ABCB10: variants seen among roughly 807,000 people sequenced by gnomAD.
The protein encoded by ABCB10 is ATP-binding cassette sub-family B member 10, mitochondrial.
A neutral mutation model predicts 65.4 loss-of-function variants in ABCB10; 54 were observed. The observed-to-expected ratio is 0.83, with a 90% CI of 0.66 to 1.04. The LOEUF is 1.04. ABCB10 is among the 50% of genes least tolerant of loss of function. The probability of loss-of-function intolerance (pLI) is 0.00; values close to 1 mark genes in which losing one functional copy is unlikely to be tolerated. For synonymous variants in ABCB10, 418 were observed against 406.5 expected (o/e 1.03, Z -0.34); for missense variants, 846 against 976.6 (o/e 0.87, Z 1.78).
Position 229,527,340 on chromosome 1 carries a change from C to T in ABCB10, c.1646-32G>A, listed in dbSNP as rs762503630. The T allele has an allele frequency of 1.9e-6, 3 of 1,579,678 alleles. No individual in the cohort carries two copies. The South Asian group carries it at 3.4e-5, about 18-fold the overall frequency. On this transcript the variant is annotated intron_variant, in intron 8 of 12. Transcript: ENST00000344517. ...GAGAGGAAAGGAAAGGAAAGAGTCA[C>T]TGAGTGTGATGAGGCTGATGACCAA... is the stretch of plus-strand genomic sequence containing the variant.
At position 229,558,314 on chromosome 1, in the gene ABCB10, G is replaced by T; in HGVS notation, c.339C>A (p.Leu113=). The part of the protein sequence containing the change: ...GAFAGPGAPR[L]PRARFPGGPA... ...GACCGCCCGGGAACCGGGCGCGCGG[G>T]AGCCGAGGAGCGCCTGGCCCGGCAA... is the stretch of plus-strand genomic sequence containing the variant. The change falls in exon 1 of 13, where the codon CTC becomes CTA. Residue 113 remains leucine (L), a synonymous_variant. Transcript: ENST00000344517. The T allele has an allele frequency of 8.0e-7, 1 of 1,242,908 alleles. No individual in the cohort carries two copies. Among genetic ancestry groups the T allele is most frequent in the Non-Finnish European group, 1.0e-6 (1 of 987,948 alleles). 77.0% of individuals were successfully genotyped at this position (1,242,908 alleles called of 1,614,324 possible).
chr1:229,529,969 T>C (rs1359543138), intron 8 of ABCB10, among the ~76,000 whole-genome samples: 1 of 152,164 alleles, frequency 6.6e-6, no homozygotes, highest in Non-Finnish European at 1.5e-5. Flanking sequence ...CACTCTGGGC[T>C]TGAAGAGGTA....
chr1:229,553,657 G>A (rs938592702), intron 1 of ABCB10, among the ~76,000 whole-genome samples: 2 of 151,454 alleles, frequency 1.3e-5, no homozygotes, highest in African/African-American at 4.8e-5. Flanking sequence ...TTTAGGATGA[G>A]GAATGCCTAA....
At chr1:229,544,111 G>A (rs1662912793) in intron 3 of ABCB10, among the ~76,000 whole-genome samples, 1 of 152,164 alleles carries the variant, frequency 6.6e-6, no homozygotes, top group South Asian at 2.1e-4. Flanking sequence ...CCATAATGAA[G>A]TGTTTTGAAT....
intron 1 of ABCB10, among the ~76,000 whole-genome samples, chr1:229,550,373 G>C (rs1663077286): frequency 6.6e-6 from 1 of 151,254 alleles, no homozygotes; most frequent in Admixed American, 6.6e-5. Flanking sequence ...AGAAAATACA[G>C]AAACTAGCCA....
At chr1:229,529,667 CAAAAAAAAAAAAAA>C (rs969766089) in intron 8 of ABCB10, among the ~76,000 whole-genome samples, 1 of 23,210 alleles carries the variant, frequency 4.3e-5, no homozygotes, top group Non-Finnish European at 8.1e-5. Flanking sequence ...AAGACTGTCT[CAAAAAAAAAAAAAA>C]AAAAAAAAAA....
In ABCB10 at chr1:229,539,476, CAG is replaced by C. The variant is rs1289429999; in HGVS notation, c.1317_1318del (p.Phe439LeufsTer39). 1 of 1,613,948 alleles carries C rather than the reference CAG, an allele frequency of 6.2e-7. No individual in the cohort carries two copies. The highest frequency in any genetic ancestry group is 8.5e-7 in the Non-Finnish European group (1 of 1,179,852). Reference sequence around the variant, plus strand: ...TTTACCTCCAATGCTTATTCCAACCCAGAAAGCATACATTAGGAAGGAAGAGA... The same window carrying C: ...TTTACCTCCAATGCTTATTCCAACCCAAAGCATACATTAGGAAGGAAGAGA... On this transcript the variant is annotated frameshift_variant, in exon 6 of 13. Transcript: ENST00000344517. LOFTEE classifies it high-confidence loss of function.
At chr1:229,531,151 G>C (rs1224016698) in intron 7 of ABCB10, among the ~76,000 whole-genome samples, 1 of 152,162 alleles carries the variant, frequency 6.6e-6, no homozygotes, top group East Asian at 1.9e-4. Context: ...TCACTGATAA[G>C]GAAGGAGATG....
intron 1 of ABCB10, among the ~76,000 whole-genome samples, chr1:229,556,319 G>A (rs750958921): frequency 3.3e-5 from 5 of 151,516 alleles, no homozygotes; most frequent in Non-Finnish European, 7.4e-5. Flanking sequence ...TTGCGGTGAG[G>A]TGAGATCACG....
rs754826563 is a variant in ABCB10 at position 229,558,230 on chromosome 1, G to T, written c.423C>A (p.Pro141=). 1 of 1,361,576 alleles carries T rather than the reference G, an allele frequency of 7.3e-7. No homozygotes were observed. Among genetic ancestry groups the T allele is most frequent in the Admixed American group, 3.5e-5 (1 of 28,978 alleles). The allele number at this position is 1,361,576 out of a possible 1,614,324, so 84.3% of individuals were successfully genotyped here. Residue 141 remains proline (P), a synonymous_variant, in exon 1 of 13, where the codon CCC becomes CCA. Coordinates refer to ENST00000344517, the MANE Select transcript of ABCB10 (RefSeq NM_012089.3). The part of the protein sequence containing the change: ...EAWRRGPAAP[P]GDKGRLRPAA... ...CGGGGCGCAGCCGCCCCTTGTCCCC[G>T]GGAGGCGCCGCCGGCCCGCGCCGCC...
chr1:229,523,398 T>C (rs1662360832), intron 10 of ABCB10, among the ~76,000 whole-genome samples: 1 of 152,246 alleles, frequency 6.6e-6, no homozygotes, highest in African/African-American at 2.4e-5. Context: ...TGGCTGAACA[T>C]ACTTATCAAC....
intron 9 of ABCB10, among the ~76,000 whole-genome samples, chr1:229,526,920 T>A (rs906168278): frequency 6.6e-6 from 1 of 152,064 alleles, no homozygotes; most frequent in African/African-American, 2.4e-5. Flanking sequence ...TGGGGAAGAA[T>A]CAGTAAAAGC....
intron 10 of ABCB10, among the ~76,000 whole-genome samples, chr1:229,525,217 T>G (rs934560135): frequency 7.2e-5 from 11 of 152,166 alleles, no homozygotes; most frequent in Non-Finnish European, 2.9e-5. Flanking sequence ...TGGTCTAGTA[T>G]GTAGGGAGTA....
chr1:229,533,036 G>A (rs1662622162), intron 6 of ABCB10, among the ~76,000 whole-genome samples: 2 of 151,994 alleles, frequency 1.3e-5, no homozygotes, highest in East Asian at 1.9e-4. Flanking sequence ...TAAACTCCTG[G>A]GCTCAAGCAA....
At position 229,540,613 on chromosome 1, in the gene ABCB10, A is replaced by G. The variant is rs1177898765; in HGVS notation, c.1196T>C (p.Phe399Ser). The G allele has an allele frequency of 5.6e-6, 9 of 1,610,836 alleles. No homozygotes were observed. Among genetic ancestry groups the G allele is most frequent in the Admixed American group, 3.4e-5 (2 of 59,688 alleles). The change falls in exon 5 of 13, where the codon TTT becomes TCT. Residue 399 changes from phenylalanine to serine, a missense_variant. Transcript: ENST00000344517. ...CCAAAGTGATCTACTTACTGCTCCA[A>G]AGAAACCAGCCCGGGCGAATGCCTC... ...RKEAFARAGF[F>S]GATGLSGNLI...
chr1:229,536,067 ATGT>A (rs775703122), intron 6 of ABCB10, among the ~76,000 whole-genome samples: 4 of 152,118 alleles, frequency 2.6e-5, no homozygotes, highest in Admixed American at 1.3e-4. Flanking sequence ...TCTGCGGGGG[ATGT>A]TAATAGGGAG....
Position 229,558,361 on chromosome 1 carries a change from C to CG in ABCB10, c.291dup (p.Gly98ArgfsTer70). On this transcript the variant is annotated frameshift_variant, in exon 1 of 13. Transcript: ENST00000344517. LOFTEE classifies it high-confidence loss of function. ...GCAAAAGCCCCGCACCTGCAGCTGC[C>CG]GGGGCCGCGAGCCCACAGCCCCAGG... 1 of 1,251,462 alleles carries CG rather than the reference C, an allele frequency of 8.0e-7. No individual in the cohort carries two copies. The highest frequency in any genetic ancestry group is 1.6e-5 in the African/African-American group (1 of 62,836). 77.5% of individuals were successfully genotyped at this position (1,251,462 alleles called of 1,614,324 possible).
At chr1:229,521,489 A>T (rs1662315171) in intron 11 of ABCB10, 103 bp downstream of exon 11, 2 of 1,424,626 alleles carry the variant, frequency 1.4e-6, no homozygotes, top group Non-Finnish European at 1.9e-6. Context: ...AAAAAAAACA[A>T]AAAACAGGAA....
intron 3 of ABCB10, among the ~76,000 whole-genome samples, chr1:229,545,197 TC>T (rs1378954020): frequency 6.6e-6 from 1 of 152,204 alleles, no homozygotes; most frequent in Non-Finnish European, 1.5e-5. Flanking sequence ...CTTGAACTCT[TC>T]CTGATCCCCA....
Sources: allele counts gnomAD v4.1 joint callset (sites outside exome capture counted in the v4.1 genomes callset), GRCh38; gene constraint gnomAD v4.1.1; transcripts MANE v1.5; gene names NCBI Gene and HGNC (gene_info 2026-07-23, HGNC 2026-07-21).